Variants in ANK3 observed in about 807,000 individuals in gnomAD.
The protein encoded by ANK3 is ankyrin 3.
Under a neutral mutation model 370.9 loss-of-function variants are expected in ANK3, and 57 were observed. The observed-to-expected ratio is 0.15, with a 90% CI of 0.12 to 0.19. ANK3 has a LOEUF of 0.19. Among genes scored for constraint, ANK3 ranks in the 10% least tolerant of loss-of-function variants. The probability of loss-of-function intolerance (pLI) is 1.00; values close to 1 mark genes in which losing one functional copy is unlikely to be tolerated. For missense variants in ANK3, 4,439 were observed against 5,302.1 expected (o/e 0.84, Z 5.06); for synonymous variants, 1,929 against 1,946.3 (o/e 0.99, Z 0.23).
At position 60,070,534 on chromosome 10, in the gene ANK3, C is replaced by T; in HGVS notation, c.10347G>A (p.Glu3449=). The T allele has an allele frequency of 6.2e-7, 1 of 1,614,162 alleles. No homozygotes were observed. The highest frequency in any genetic ancestry group is 8.5e-7 in the Non-Finnish European group (1 of 1,180,028). Residue 3449 remains glutamate (E), a synonymous_variant, in exon 37 of 44, where the codon GAG becomes GAA. Transcript: ENST00000280772. The surrounding 1 kb of genome is among the most constrained non-coding windows in gnomAD (Gnocchi z 5.7). ...AGCGGTCAGCTGGCTTCAGAATGCC[C>T]TCTGTGTTCCAGATATCTTTCTTAA... The part of the protein sequence containing the change: ...MEIKKDIWNT[E]GILKPADRSF...
At position 60,126,939 on chromosome 10, in the gene ANK3, C is replaced by T. The variant is rs1278014148; in HGVS notation, c.2841+7332G>A. 7.2e-5 allele frequency among the ~76,000 whole-genome samples: 11 copies of T among 152,252 alleles called. No individual in the cohort carries two copies. In the East Asian group the frequency reaches 2.1e-3, roughly 29 times the overall value. ...ACATTAGTAATGACAGAAAACCAAA[C>T]TGAACTGGTTTAAGATACTCCCTTT... On this transcript the variant is annotated intron_variant, in intron 25 of 43. Coordinates refer to ENST00000280772, the MANE Select transcript of ANK3 (RefSeq NM_020987.5).
intron 1 of ANK3, among the ~76,000 whole-genome samples, chr10:60,347,832 G>A (rs1347767295): frequency 6.6e-6 from 1 of 152,122 alleles, no homozygotes; most frequent in Non-Finnish European, 1.5e-5. Flanking sequence ...TTTCCAACAA[G>A]TTCTCAGCTG....
At chr10:60,134,409 G>A (rs372367298) in intron 24 of ANK3, 36 bp from the exon 25 acceptor site, 3 of 1,517,044 alleles carry the variant, frequency 2.0e-6, no homozygotes, top group Non-Finnish European at 2.7e-6. Context: ...AACAGTGGTA[G>A]ATGATGATGA....
In ANK3 at chr10:60,059,413, A is replaced by G; in HGVS notation, c.12613T>C (p.Ser4205Pro). Reference sequence around the variant, plus strand: ...GCGCAGGACTCTAGGTTTCCACTTGATGTCTCATTCTGCCAACCTGTAATT... The same window carrying G: ...GCGCAGGACTCTAGGTTTCCACTTGGTGTCTCATTCTGCCAACCTGTAATT... Reference protein sequence around the residue: ...DPVDGWQNETSSGNLESCAQA... With the variant: ...DPVDGWQNETPSGNLESCAQA... Residue 4205 changes from serine (S) to proline (P), a missense_variant, in exon 41 of 44, where the codon TCA becomes CCA. By Grantham distance (74) the Ser-to-Pro change is moderately conservative (BLOSUM62 -1). Transcript: ENST00000280772. 1 of 1,614,060 alleles carries G rather than the reference A, an allele frequency of 6.2e-7. No homozygotes were observed.
chr10:60,328,723 C>A (rs1043739345), intron 1 of ANK3, among the ~76,000 whole-genome samples: 2 of 152,150 alleles, frequency 1.3e-5, no homozygotes, highest in Admixed American at 1.3e-4. Context: ...TGGTACCATT[C>A]CTTCTGAAAC....
chr10:60,172,472 T>G lies in ANK3; in HGVS notation c.2383-69A>C. 4.7e-6 allele frequency: 6 copies of G among 1,279,352 alleles called. No individual in the cohort carries two copies. In the South Asian group the frequency reaches 7.4e-5, roughly 16 times the overall value. 79.3% of individuals were successfully genotyped at this position (1,279,352 alleles called of 1,614,324 possible). Reference sequence around the variant, plus strand: ...CCACATTTTTTTTGCTGATACAAAATGTAAGGTGAGTGTCTCATCAGACCC... The same window carrying G: ...CCACATTTTTTTTGCTGATACAAAAGGTAAGGTGAGTGTCTCATCAGACCC... On this transcript the variant is annotated intron_variant, in intron 20 of 43. Transcript: ENST00000280772.
chr10:60,455,879 GGA>G (rs1193268684), intron 2 of ANK3, among the ~76,000 whole-genome samples: 1 of 152,134 alleles, frequency 6.6e-6, no homozygotes, highest in Non-Finnish European at 1.5e-5. Flanking sequence ...ACTCCCCTTG[GGA>G]GATGCGATGG....
chr10:60,027,953 C>T lies in ANK3; in HGVS notation c.*1893G>A, dbSNP rs913222478. On this transcript the variant is annotated 3_prime_UTR_variant, in exon 44 of 44. Transcript: ENST00000280772. ...TTCTGGGAATGAGGTCCATTGTTGC[C>T]AAATCTTGCTTTTTAAGAGATGTTA... 1.3e-5 allele frequency: 2 copies of T among 152,096 alleles called. No homozygotes were observed. The highest frequency in any genetic ancestry group is 3.8e-4 in the East Asian group (2 of 5,198). The allele number at this position is 152,096 out of a possible 1,614,324, so 9.4% of individuals were successfully genotyped here.
At chr10:60,137,373 G>GAAAAA (rs1554985689) in intron 24 of ANK3, 7 of 56,272 alleles carry the variant, frequency 1.2e-4, no homozygotes, top group South Asian at 3.2e-4. Flanking sequence ...AGTAATTTTA[G>GAAAAA]GAAAAAAAAA....
At chr10:60,127,604 A>G (rs965106886) in intron 25 of ANK3, among the ~76,000 whole-genome samples, 3 of 152,142 alleles carry the variant, frequency 2.0e-5, no homozygotes, top group African/African-American at 7.2e-5. Flanking sequence ...ATATTTGTAA[A>G]CTGATGTCAT....
intron 2 of ANK3, among the ~76,000 whole-genome samples, chr10:60,475,183 A>C (rs866103714): frequency 6.6e-6 from 1 of 152,042 alleles, no homozygotes; most frequent in South Asian, 2.1e-4. Flanking sequence ...TGCTGAATGA[A>C]AACAAAGCAA....
At chr10:60,059,470 G>A (rs749957818) in intron 40 of ANK3, 40 bp from the exon 41 acceptor site, 12 of 1,537,172 alleles carry the variant, frequency 7.8e-6, no homozygotes, top group South Asian at 3.4e-5. Context: ...TGCTGAACAC[G>A]CTTAAGAATA....
intron 28 of ANK3, among the ~76,000 whole-genome samples, chr10:60,090,346 A>G (rs2087950465): frequency 6.6e-6 from 1 of 152,114 alleles, no homozygotes; most frequent in South Asian, 2.1e-4. Context: ...TTACCAAAAA[A>G]TTCAGGAAAA....
intron 7 of ANK3, among the ~76,000 whole-genome samples, chr10:60,238,930 T>G (rs1350297057): frequency 6.6e-6 from 1 of 151,968 alleles, no homozygotes; most frequent in East Asian, 1.9e-4. Context: ...AATAGGGAAG[T>G]GCAGCAAAGG....
Position 60,044,185 on chromosome 10 carries a change from A to G in ANK3, c.13066-1426T>C, listed in dbSNP as rs1277824265. ...AGATTTTTCTGTTTTAGGAGATGAC[A>G]CTACAGCACAAAAGTAGCAGAGTTT... On this transcript the variant is annotated intron_variant, in intron 42 of 43. Transcript: ENST00000280772. 3 of 984,794 alleles carry G rather than the reference A, an allele frequency of 3.0e-6. No homozygotes were observed. The Admixed American group carries it at 1.8e-4, about 61-fold the overall frequency. The allele number at this position is 984,794 out of a possible 1,614,324, so 61.0% of individuals were successfully genotyped here.
At chr10:60,188,141 A>G (rs1448596108) in intron 16 of ANK3, among the ~76,000 whole-genome samples, 1 of 152,200 alleles carries the variant, frequency 6.6e-6, no homozygotes, top group Non-Finnish European at 1.5e-5. Flanking sequence ...TAATTACATG[A>G]AGAAAGGAAT....
At chr10:60,045,590 C>T (rs1408216796) in intron 42 of ANK3, among the ~76,000 whole-genome samples, 2 of 152,200 alleles carry the variant, frequency 1.3e-5, no homozygotes, top group African/African-American at 4.8e-5. Context: ...TCCTATTGAT[C>T]TGTCAGTCAA....
chr10:60,602,193 A>G (rs1442921921), intron 2 of ANK3, among the ~76,000 whole-genome samples: 1 of 152,144 alleles, frequency 6.6e-6, no homozygotes, highest in Non-Finnish European at 1.5e-5. Context: ...TATGCAGAAG[A>G]CTTTCAGTTT....
intron 2 of ANK3, among the ~76,000 whole-genome samples, chr10:60,516,438 C>T (rs2076221155): frequency 6.6e-6 from 1 of 152,038 alleles, no homozygotes; most frequent in Non-Finnish European, 1.5e-5. Context: ...GTGGGAAAAC[C>T]ACAAGATTGG....
Sources: allele counts gnomAD v4.1 joint callset (sites outside exome capture counted in the v4.1 genomes callset), GRCh38; gene constraint gnomAD v4.1.1; non-coding constraint Gnocchi (gnomAD v3.1); transcripts MANE v1.5; gene names NCBI Gene and HGNC (gene_info 2026-07-23, HGNC 2026-07-21).